The following PREX1 variants were observed in gnomAD, a reference collection of about 807,000 sequenced individuals.
PREX1 encodes the protein phosphatidylinositol-3,4,5-trisphosphate dependent Rac exchange factor 1, also known as phosphatidylinositol 3,4,5-trisphosphate-dependent Rac exchanger 1 protein.
A neutral mutation model predicts 198.3 loss-of-function variants in PREX1; 41 were observed. That is an observed-to-expected ratio of 0.21 (90% CI 0.16 to 0.27). The LOEUF (loss-of-function observed/expected upper bound fraction) is 0.27. PREX1 is among the 10% of genes least tolerant of loss of function. PREX1 has a pLI of 1.00. For synonymous variants in PREX1, 843 were observed against 887.2 expected (o/e 0.95, Z 0.89); for missense variants, 1,620 against 2,200.7 (o/e 0.74, Z 5.28).
chr20:48,726,439 G>A (rs1431344128), intron 4 of PREX1, 48 bp from the exon 5 acceptor site: 1 of 1,376,986 alleles, frequency 7.3e-7, no homozygotes, highest in Non-Finnish European at 1.0e-6. Flanking sequence ...GGATAGCACA[G>A]GGACATAGCC....
intron 15 of PREX1, among the ~76,000 whole-genome samples, chr20:48,665,259 C>CT (rs541377891): frequency 6.1e-4 from 89 of 146,812 alleles, no homozygotes; most frequent in African/African-American, 2.1e-3. Flanking sequence ...AATTCTAATC[C>CT]CGCCCCAGAC....
intron 1 of PREX1, among the ~76,000 whole-genome samples, chr20:48,791,696 A>G (rs1325446620): frequency 2.0e-5 from 3 of 152,224 alleles, no homozygotes. Flanking sequence ...TTCAGTGTCC[A>G]GCAAAGTCCT....
At position 48,679,785 on chromosome 20, in the gene PREX1, G is replaced by A. The variant is rs768740824; in HGVS notation, c.1436-31C>T. On this transcript the variant is annotated intron_variant, in intron 11 of 39. Coordinates refer to ENST00000371941, the MANE Select transcript of PREX1 (RefSeq NM_020820.4). ...GAGACAGGAGGACCTGTGACGCTGG[G>A]CACGCCCCCTCAGCCCCTCCCAGCC... is the stretch of plus-strand genomic sequence containing the variant. The A allele has an allele frequency of 3.2e-6, 5 of 1,550,386 alleles. No individual in the cohort carries two copies. The African/African-American group carries it at 4.1e-5, about 13-fold the overall frequency.
At chr20:48,826,816 G>C (rs1005002633) in intron 1 of PREX1, among the ~76,000 whole-genome samples, 7 of 152,118 alleles carry the variant, frequency 4.6e-5, no homozygotes, top group African/African-American at 1.7e-4. Context: ...CCGAGATTGC[G>C]CCACTGTACT....
intron 7 of PREX1, among the ~76,000 whole-genome samples, chr20:48,697,224 T>G (rs546907962): frequency 1.3e-5 from 2 of 152,202 alleles, no homozygotes; most frequent in African/African-American, 4.8e-5. Flanking sequence ...ACATTACATG[T>G]GTACCTTTAC....
intron 1 of PREX1, among the ~76,000 whole-genome samples, chr20:48,777,604 T>C (rs1428115082): frequency 6.6e-6 from 1 of 152,112 alleles, no homozygotes; most frequent in Non-Finnish European, 1.5e-5. Context: ...AGTCTCAAGG[T>C]AGCCACAACC....
intron 1 of PREX1, among the ~76,000 whole-genome samples, chr20:48,787,727 T>C (rs1481195751): frequency 6.6e-6 from 1 of 151,922 alleles, no homozygotes; most frequent in Non-Finnish European, 1.5e-5. Flanking sequence ...CCTAAAGAAG[T>C]CTGGTTGCAA....
intron 11 of PREX1, 28 bp from the exon 12 acceptor site, chr20:48,679,782 T>TGGGCACGCCCCCTCAGCCCCTCCC: frequency 1.3e-6 from 2 of 1,560,140 alleles, no homozygotes; most frequent in Non-Finnish European, 1.8e-6. Context: ...CCTGTGACGC[T>TGGGCACGCCCCCTCAGCCCCTCCC]GGGCACGCCC....
chr20:48,722,663 G>C (rs1212286784), intron 5 of PREX1, among the ~76,000 whole-genome samples: 3 of 152,208 alleles, frequency 2.0e-5, no homozygotes, highest in African/African-American at 7.2e-5. Context: ...TCTCCTCAGA[G>C]GCCCCGGAGA....
intron 25 of PREX1, among the ~76,000 whole-genome samples, chr20:48,646,660 C>A (rs187490352): frequency 7.3e-6 from 1 of 137,036 alleles, no homozygotes; most frequent in East Asian, 2.1e-4. Context: ...CTGCACAGAG[C>A]GAGAGAACCC....
At chr20:48,775,066 G>A (rs112023279) in intron 1 of PREX1, among the ~76,000 whole-genome samples, 26 of 152,152 alleles carry the variant, frequency 1.7e-4, no homozygotes, top group Non-Finnish European at 1.0e-4. Context: ...TGCTCACACG[G>A]TTTCCACCAC....
At position 48,624,319 on chromosome 20, in the gene PREX1, A is replaced by G. The variant is rs779703955; in HGVS notation, c.*1566T>C. Reference sequence around the variant, plus strand: ...CAAGAATTTAACGAGAAGAATCTGTACATTTTAAAGTAAACCAGTGCACAA... The same window carrying G: ...CAAGAATTTAACGAGAAGAATCTGTGCATTTTAAAGTAAACCAGTGCACAA... On this transcript the variant is annotated 3_prime_UTR_variant, in exon 40 of 40. Coordinates refer to ENST00000371941, the MANE Select transcript of PREX1 (RefSeq NM_020820.4). The G allele has an allele frequency of 6.6e-6, 1 of 152,606 alleles. No individual in the cohort carries two copies. The highest frequency in any genetic ancestry group is 1.5e-5 in the Non-Finnish European group (1 of 68,044). The allele number at this position is 152,606 out of a possible 1,614,324, so 9.5% of individuals were successfully genotyped here.
At chr20:48,647,304 CG>C (rs1956111856) in intron 25 of PREX1, among the ~76,000 whole-genome samples, 2 of 152,008 alleles carry the variant, frequency 1.3e-5, no homozygotes, top group Admixed American at 6.6e-5. Context: ...GGGTGGGTCA[CG>C]AGATCAAGAG....
intron 14 of PREX1, among the ~76,000 whole-genome samples, chr20:48,669,658 C>T (rs1285067294): frequency 6.6e-6 from 1 of 152,080 alleles, no homozygotes; most frequent in African/African-American, 2.4e-5. Flanking sequence ...CTCCCTGTCT[C>T]GGTCTCTGTC....
intron 15 of PREX1, among the ~76,000 whole-genome samples, chr20:48,665,871 A>T (rs540731843): frequency 6.6e-6 from 1 of 152,212 alleles, no homozygotes; most frequent in African/African-American, 2.4e-5. Flanking sequence ...AGAGGCAGAC[A>T]TCCCAGGAAG....
At chr20:48,787,077 G>C (rs1249744476) in intron 1 of PREX1, among the ~76,000 whole-genome samples, 2 of 151,782 alleles carry the variant, frequency 1.3e-5, no homozygotes, top group African/African-American at 4.8e-5. Context: ...CTGGTGGCTA[G>C]AAACGTCCAG....
intron 10 of PREX1, among the ~76,000 whole-genome samples, chr20:48,681,894 G>T: frequency 6.6e-6 from 1 of 152,142 alleles, no homozygotes; most frequent in Middle Eastern, 3.2e-3. Flanking sequence ...CAGATGAACA[G>T]AAGGAATGGA....
intron 7 of PREX1, among the ~76,000 whole-genome samples, chr20:48,696,977 T>TACATACACAC (rs111517056): frequency 1.0e-4 from 15 of 148,698 alleles, no homozygotes; most frequent in Admixed American, 2.7e-4. Context: ...TAAATCTCTT[T>TACATACACAC]ACACACACAC....
Position 48,679,395 on chromosome 20 carries a change from G to A in PREX1, c.1554C>T (p.Tyr518=), listed in dbSNP as rs376575319. The A allele has an allele frequency of 3.1e-6, 5 of 1,613,524 alleles. No homozygotes were observed. Among genetic ancestry groups the A allele is most frequent in the East Asian group, 4.5e-5 (2 of 44,892 alleles). The change falls in exon 13 of 40, where the codon TAC becomes TAT. Residue 518 remains tyrosine (Y), a synonymous_variant. Coordinates refer to ENST00000371941, the MANE Select transcript of PREX1 (RefSeq NM_020820.4). ...EDIMSKGVRL[Y]CRLHSLYTPV... ...GGGTGTAGAGGCTGTGAAGACGGCA[G>A]TAAAGCCTCACACCCTGAAAGAAAA...
Sources: gnomAD v4.1 joint callset for allele counts (sites outside exome capture counted in the v4.1 genomes callset) on GRCh38, gnomAD v4.1.1 for gene constraint, MANE v1.5 for transcripts, NCBI Gene and HGNC (gene_info 2026-07-23, HGNC 2026-07-21) for gene names.